FBXO31: variants seen among roughly 807,000 people sequenced by gnomAD.
FBXO31 encodes F-box only protein 31.
In FBXO31, 24 loss-of-function variants were observed where a neutral mutation model predicts 54.4. That is an observed-to-expected ratio of 0.44 (90% CI 0.32 to 0.62). The LOEUF (loss-of-function observed/expected upper bound fraction) is 0.62. Ranked by LOEUF, FBXO31 falls within the 20% of genes least tolerant of loss-of-function variation. The pLI is 0.05. For missense variants in FBXO31, 665 were observed against 787.1 expected, an observed-to-expected ratio of 0.84 and a Z score of 1.86; for synonymous variants, 388 against 335.6, an observed-to-expected ratio of 1.16 and a Z score of -1.71.
chr16:87,374,447 C>G (rs980912230), intron 1 of FBXO31, among the ~76,000 whole-genome samples: 1 of 152,126 alleles, frequency 6.6e-6, no homozygotes, highest in South Asian at 2.1e-4. Context: ...TTGGGTACTG[C>G]ACTGAAAGTG....
intron 2 of FBXO31, among the ~76,000 whole-genome samples, chr16:87,352,416 A>C (rs1405897298): frequency 6.6e-6 from 1 of 152,196 alleles, no homozygotes; most frequent in Admixed American, 6.5e-5. Context: ...TGAGACTTGT[A>C]AGATTTTAAC....
intron 8 of FBXO31, 91 bp downstream of exon 8, chr16:87,333,795 C>A (rs1904946420): frequency 1.3e-6 from 2 of 1,501,024 alleles, no homozygotes; most frequent in East Asian, 4.7e-5. Flanking sequence ...AGGTCACAGG[C>A]CCTCTCCGCC....
chr16:87,374,389 C>T (rs962811574), intron 1 of FBXO31, among the ~76,000 whole-genome samples: 1 of 152,114 alleles, frequency 6.6e-6, no homozygotes, highest in Non-Finnish European at 1.5e-5. Flanking sequence ...GCAAAATCAT[C>T]GAAAATCGCT....
chr16:87,349,641 C>T lies in FBXO31; in HGVS notation c.413-2391G>A, dbSNP rs550012880. Among the ~76,000 whole-genome samples the T allele has an allele frequency of 1.2e-4, 18 of 151,218 alleles. 1 individual carries two copies. Among genetic ancestry groups the T allele is most frequent in the African/African-American group, 1.9e-4 (8 of 41,164 alleles). ...CAGGAGAATCACTTGAACAGGGAGG[C>T]GGAGGCTGCAGTGAGCCGAGACCAC... On this transcript the variant is annotated intron_variant, in intron 2 of 8. Transcript: ENST00000311635.
chr16:87,333,614 T>C (rs138828153), intron 8 of FBXO31, among the ~76,000 whole-genome samples: 14 of 152,286 alleles, frequency 9.2e-5, no homozygotes, highest in Middle Eastern at 6.8e-3. Flanking sequence ...ATGTGAGGCA[T>C]CTGGAAGCCT....
chr16:87,377,366 C>T (rs1403571778), intron 1 of FBXO31, among the ~76,000 whole-genome samples: 1 of 150,908 alleles, frequency 6.6e-6, no homozygotes, highest in African/African-American at 2.4e-5. Flanking sequence ...GGATCATTTA[C>T]GCCGGAGAAG....
chr16:87,360,929 C>T (rs1265981426), intron 1 of FBXO31, among the ~76,000 whole-genome samples: 1 of 152,196 alleles, frequency 6.6e-6, no homozygotes, highest in Non-Finnish European at 1.5e-5. Flanking sequence ...CCTCCCGCAA[C>T]CCCTGTCCTC....
At position 87,346,572 on chromosome 16, in the gene FBXO31, C is replaced by A. The variant is rs555459864; in HGVS notation, c.489+602G>T. 4.6e-5 allele frequency among the ~76,000 whole-genome samples: 7 copies of A among 152,210 alleles called. No homozygotes were observed. Among genetic ancestry groups the A allele is most frequent in the Non-Finnish European group, 1.5e-5 (1 of 68,044 alleles). ...GTCCTCACGGGTCCTCAGACCCCAA[C>A]GGCAAGCAGGCTGCCGGGAGAAGGG... is the stretch of plus-strand genomic sequence containing the variant. On this transcript the variant is annotated intron_variant, in intron 3 of 8. Transcript: ENST00000311635. The surrounding 1 kb of genome is among the most constrained non-coding windows in gnomAD (Gnocchi z 4.2).
chr16:87,359,633 G>A (rs1159290510), intron 2 of FBXO31, among the ~76,000 whole-genome samples: 1 of 152,200 alleles, frequency 6.6e-6, no homozygotes, highest in Non-Finnish European at 1.5e-5. Context: ...AGATGAAAAC[G>A]TGGGGTATGA....
chr16:87,345,657 C>G lies in FBXO31; in HGVS notation c.489+1517G>C, dbSNP rs1404438219. Among the ~76,000 whole-genome samples the G allele has an allele frequency of 1.3e-5, 2 of 152,178 alleles. No individual in the cohort carries two copies. The highest frequency in any genetic ancestry group is 4.8e-5 in the African/African-American group (2 of 41,436). On this transcript the variant is annotated intron_variant, in intron 3 of 8. Transcript: ENST00000311635. This position sits in a 1 kb window ranked among gnomAD's most constrained non-coding sequence, Gnocchi z 4.9. ...GAAGACTGAACACTCTCTCCTAATT[C>G]CAGGAGAAAGAAAACAAGAAAAAGA... is the stretch of plus-strand genomic sequence containing the variant.
chr16:87,352,166 T>C (rs905813704), intron 2 of FBXO31, among the ~76,000 whole-genome samples: 1 of 152,078 alleles, frequency 6.6e-6, no homozygotes, highest in Admixed American at 6.6e-5. Context: ...CTGTGCCCCA[T>C]AAAGACATAA....
chr16:87,339,536 AGGT>A (rs1215102633), intron 5 of FBXO31, among the ~76,000 whole-genome samples: 1 of 152,216 alleles, frequency 6.6e-6, no homozygotes, highest in African/African-American at 2.4e-5. Context: ...ACTCGAGGAT[AGGT>A]GGTACAGCAC....
intron 5 of FBXO31, among the ~76,000 whole-genome samples, chr16:87,339,653 G>A (rs35272440): frequency 0.016 from 2,432 of 152,304 alleles, 32 homozygotes; most frequent in African/African-American, 0.031. Context: ...GGAGTATGTC[G>A]GATGGGGGTG....
At chr16:87,332,669 C>G (rs558147321) in intron 8 of FBXO31, among the ~76,000 whole-genome samples, 352 of 150,976 alleles carry the variant, frequency 2.3e-3, no homozygotes, top group Non-Finnish European at 3.7e-3. Context: ...CCCTTCCCCC[C>G]ACCCAGACAT....
intron 2 of FBXO31, among the ~76,000 whole-genome samples, chr16:87,352,934 C>A (rs1289931329): frequency 2.6e-5 from 4 of 152,250 alleles, no homozygotes; most frequent in Non-Finnish European, 5.9e-5. Context: ...GTCCCTGAAC[C>A]TTGGCCCACG....
chr16:87,381,505 C>T (rs1907075720), intron 1 of FBXO31, among the ~76,000 whole-genome samples: 3 of 152,218 alleles, frequency 2.0e-5, no homozygotes, highest in Admixed American at 1.3e-4. Flanking sequence ...GATCTCACAG[C>T]AGATAAACAC....
rs1294025079 is a variant in FBXO31 at position 87,338,950 on chromosome 16, C to T, written c.733-2686G>A. ...CTCTCATGATAGTGAATAAGTCTCA[C>T]GAGATGCAATGGTTTTATAAAGGGG... On this transcript the variant is annotated intron_variant, in intron 5 of 8. Transcript: ENST00000311635. The surrounding 1 kb of genome is among the most constrained non-coding windows in gnomAD (Gnocchi z 4.3). Among the ~76,000 whole-genome samples the T allele has an allele frequency of 1.3e-5, 2 of 152,140 alleles. No individual in the cohort carries two copies. The highest frequency in any genetic ancestry group is 6.5e-5 in the Admixed American group (1 of 15,282).
chr16:87,348,513 G>C (rs1246210950), intron 2 of FBXO31, among the ~76,000 whole-genome samples: 3 of 152,154 alleles, frequency 2.0e-5, no homozygotes, highest in African/African-American at 2.4e-5. Flanking sequence ...AGCTGATCTG[G>C]GGCATGGTCC....
Position 87,383,577 on chromosome 16 carries a change from C to G in FBXO31, c.168G>C (p.Ala56=), listed in dbSNP as rs778261830. The part of the protein sequence containing the change: ...ASAGVGGGLC[A]GPSPPPPRCS... ...AGCGCGGGGGCGGCGGCGAGGGGCC[C>G]GCGCACAAGCCGCCCCCGACCCCGG... is the stretch of plus-strand genomic sequence containing the variant. The change falls in exon 1 of 9, where the codon GCG becomes GCC. Residue 56 remains alanine (A), a synonymous_variant. Transcript: ENST00000311635. This position sits in a 1 kb window ranked among gnomAD's most constrained non-coding sequence, Gnocchi z 4.9. The G allele has an allele frequency of 3.5e-5, 52 of 1,501,216 alleles. No homozygotes were observed. Among genetic ancestry groups the G allele is most frequent in the Non-Finnish European group, 4.2e-5 (47 of 1,130,608 alleles). The allele number at this position is 1,501,216 out of a possible 1,614,324, so 93.0% of individuals were successfully genotyped here.
Sources: allele counts gnomAD v4.1 joint callset (sites outside exome capture counted in the v4.1 genomes callset), GRCh38; gene constraint gnomAD v4.1.1; non-coding constraint Gnocchi (gnomAD v3.1); transcripts MANE v1.5; gene names NCBI Gene and HGNC (gene_info 2026-07-23, HGNC 2026-07-21).